Variants in DAPK1 observed in about 807,000 individuals in gnomAD.
The protein encoded by DAPK1 is death-associated protein kinase 1.
Under a neutral mutation model 144.9 loss-of-function variants are expected in DAPK1, and 56 were observed. That is an observed-to-expected ratio of 0.39 (90% CI 0.31 to 0.48). The LOEUF is 0.48. Among genes scored for constraint, DAPK1 ranks in the 20% least tolerant of loss-of-function variants. The pLI is 0.95. For synonymous variants in DAPK1, 690 were observed against 749.0 expected (o/e 0.92, Z 1.29); for missense variants, 1,454 against 1,875.4 (o/e 0.78, Z 4.15).
At chr9:87,542,002 T>C (rs1826074663) in intron 2 of DAPK1, among the ~76,000 whole-genome samples, 1 of 152,202 alleles carries the variant, frequency 6.6e-6, no homozygotes, top group South Asian at 2.1e-4. Flanking sequence ...TCAGATTGTT[T>C]TAGACCCTGA....
chr9:87,686,270 A>G lies in DAPK1; in HGVS notation c.2225-281A>G, dbSNP rs559205014. Among the ~76,000 whole-genome samples the G allele has an allele frequency of 4.2e-4, 64 of 152,190 alleles. No homozygotes were observed. Among genetic ancestry groups the G allele is most frequent in the Admixed American group, 7.8e-4 (12 of 15,300 alleles). On this transcript the variant is annotated intron_variant, in intron 20 of 25. Transcript: ENST00000408954. The surrounding 1 kb of genome is among the most constrained non-coding windows in gnomAD (Gnocchi z 4.2). Reference sequence around the variant, plus strand: ...TTGGCTGACCCTAAGCAGAAATCACATGGCAAGCCAGCCTAGAGACACAAT... The same window carrying G: ...TTGGCTGACCCTAAGCAGAAATCACGTGGCAAGCCAGCCTAGAGACACAAT...
chr9:87,544,355 A>G (rs1826160428), intron 2 of DAPK1, among the ~76,000 whole-genome samples: 1 of 152,248 alleles, frequency 6.6e-6, no homozygotes, highest in Admixed American at 6.5e-5. Flanking sequence ...TTCAGTTAAT[A>G]AATGCTTTTT....
At chr9:87,676,482 C>T (rs1824388103) in intron 19 of DAPK1, among the ~76,000 whole-genome samples, 1 of 152,236 alleles carries the variant, frequency 6.6e-6, no homozygotes, top group African/African-American at 2.4e-5. Context: ...TGCTTAGATT[C>T]CCCAAGGTTC....
At chr9:87,546,035 G>T (rs1285474546) in intron 2 of DAPK1, among the ~76,000 whole-genome samples, 6 of 152,284 alleles carry the variant, frequency 3.9e-5, no homozygotes, top group African/African-American at 7.2e-5. Flanking sequence ...AGCATAGAGG[G>T]TTGAGTCATA....
rs1402687986 is a variant in DAPK1 at position 87,633,366 on chromosome 9, A to T, written c.285-4577A>T. ...TATATGTGCGTATGGGTGAGGGGGG[A>T]TGGAGTGAATACATAGGGCCTTCTG... On this transcript the variant is annotated intron_variant, in intron 3 of 25. Transcript: ENST00000408954. The T allele has an allele frequency of 9.1e-6, 9 of 984,886 alleles. No individual in the cohort carries two copies. In the Admixed American group the frequency reaches 4.9e-4, roughly 54 times the overall value. 61.0% of individuals were successfully genotyped at this position (984,886 alleles called of 1,614,324 possible).
At chr9:87,617,173 CT>C (rs1829126689) in intron 3 of DAPK1, among the ~76,000 whole-genome samples, 2 of 152,340 alleles carry the variant, frequency 1.3e-5, no homozygotes, top group South Asian at 4.1e-4. Flanking sequence ...CTCATGCCCT[CT>C]TTTCTCAAAG....
intron 2 of DAPK1, among the ~76,000 whole-genome samples, chr9:87,541,889 C>T (rs1826070802): frequency 6.6e-6 from 1 of 152,040 alleles, no homozygotes; most frequent in Admixed American, 6.6e-5. Flanking sequence ...TTATGTTTTT[C>T]CTGTTTGTTT....
At chr9:87,531,241 G>T (rs904412752) in intron 2 of DAPK1, among the ~76,000 whole-genome samples, 12 of 152,172 alleles carry the variant, frequency 7.9e-5, no homozygotes, top group Non-Finnish European at 1.8e-4. Flanking sequence ...TGACTAGAGG[G>T]CTGGTCTATC....
In DAPK1 at chr9:87,686,770, T is replaced by A; in HGVS notation, c.2413+31T>A. On this transcript the variant is annotated intron_variant, in intron 21 of 25. Coordinates refer to ENST00000408954, the MANE Select transcript of DAPK1 (RefSeq NM_004938.4). This position sits in a 1 kb window ranked among gnomAD's most constrained non-coding sequence, Gnocchi z 4.2. Reference sequence around the variant, plus strand: ...CCCTGCCTGCCCCAAGGGAAGGACCTCAGGTTTCCCTTCAACAGGGTTGTA... The same window carrying A: ...CCCTGCCTGCCCCAAGGGAAGGACCACAGGTTTCCCTTCAACAGGGTTGTA... 6.5e-7 allele frequency: 1 copy of A among 1,533,830 alleles called. No homozygotes were observed. The highest frequency in any genetic ancestry group is 9.0e-7 in the Non-Finnish European group (1 of 1,112,790).
chr9:87,649,932 C>T lies in DAPK1; in HGVS notation c.1440C>T (p.Thr480=), dbSNP rs1306802259. ...NPNIQDKEEE[T]PLHCAAWHGY... ...GTCTCCTTGGCCAGGAAGAAGAAAC[C>T]CCCCTGCACTGTGCTGCTTGGCACG... Residue 480 remains threonine, a synonymous_variant, in exon 16 of 26, where the codon ACC becomes ACT. Coordinates refer to ENST00000408954, the MANE Select transcript of DAPK1 (RefSeq NM_004938.4). 2 of 1,614,124 alleles carry T rather than the reference C, an allele frequency of 1.2e-6. No homozygotes were observed. The highest frequency in any genetic ancestry group is 2.2e-5 in the South Asian group (2 of 91,078).
At chr9:87,656,410 G>C (rs1006826958) in intron 17 of DAPK1, among the ~76,000 whole-genome samples, 5 of 152,156 alleles carry the variant, frequency 3.3e-5, no homozygotes, top group African/African-American at 4.8e-5. Context: ...CTCTTCCTCA[G>C]CTTTCTTCCC....
chr9:87,619,287 C>A (rs1829208177), intron 3 of DAPK1, among the ~76,000 whole-genome samples: 1 of 152,192 alleles, frequency 6.6e-6, no homozygotes, highest in East Asian at 1.9e-4. Flanking sequence ...TTATGTGTCT[C>A]TCCTGCAGTG....
At chr9:87,662,637 TG>T (rs577420041) in intron 18 of DAPK1, among the ~76,000 whole-genome samples, 123 of 146,576 alleles carry the variant, frequency 8.4e-4, no homozygotes, top group South Asian at 7.1e-3. Context: ...GGATCGTCAT[TG>T]GTATATAGGA....
chr9:87,592,289 G>A (rs1344725102), intron 2 of DAPK1, among the ~76,000 whole-genome samples: 2 of 152,216 alleles, frequency 1.3e-5, no homozygotes, highest in African/African-American at 4.8e-5. Context: ...ATGGGCTGTA[G>A]GAGAGGTCAT....
At position 87,592,467 on chromosome 9, in the gene DAPK1, G is replaced by A. The variant is rs528875400; in HGVS notation, c.63-12487G>A. 1.6e-3 allele frequency among the ~76,000 whole-genome samples: 242 copies of A among 152,310 alleles called. 1 individual carries two copies. The highest frequency in any genetic ancestry group is 5.6e-3 in the African/African-American group (233 of 41,584). On this transcript the variant is annotated intron_variant, in intron 2 of 25. Transcript: ENST00000408954. ...AGCAGTGCTCCATGGAAAGGTCATT[G>A]GGTTTACAATCCCTGCTTCAGGAGA... is the stretch of plus-strand genomic sequence containing the variant.
At chr9:87,664,432 T>C (rs1830979710) in intron 18 of DAPK1, among the ~76,000 whole-genome samples, 1 of 152,180 alleles carries the variant, frequency 6.6e-6, no homozygotes, top group Non-Finnish European at 1.5e-5. Flanking sequence ...GAATGCCCGC[T>C]ACGGGCATGT....
chr9:87,648,022 A>G (rs1402672746), intron 14 of DAPK1, among the ~76,000 whole-genome samples: 2 of 152,218 alleles, frequency 1.3e-5, no homozygotes, highest in African/African-American at 4.8e-5. Flanking sequence ...ACTGTACAAT[A>G]CTTCTCTGCT....
intron 21 of DAPK1, among the ~76,000 whole-genome samples, chr9:87,694,756 T>C (rs1420968238): frequency 6.6e-6 from 1 of 152,112 alleles, no homozygotes; most frequent in Non-Finnish European, 1.5e-5. Flanking sequence ...CAGGCAGAGA[T>C]GTCAGTGGGG....
chr9:87,675,659 G>T (rs1767524239), intron 19 of DAPK1, among the ~76,000 whole-genome samples: 1 of 152,034 alleles, frequency 6.6e-6, no homozygotes, highest in African/African-American at 2.4e-5. Flanking sequence ...TCAGGGTCAG[G>T]ATGGGGAGCA....
Sources: allele counts gnomAD v4.1 joint callset (sites outside exome capture counted in the v4.1 genomes callset), GRCh38; gene constraint gnomAD v4.1.1; non-coding constraint Gnocchi (gnomAD v3.1); transcripts MANE v1.5; gene names NCBI Gene and HGNC (gene_info 2026-07-23, HGNC 2026-07-21).